The following LIPJ variants were observed in gnomAD, a reference collection of about 807,000 sequenced individuals.
LIPJ encodes lipase member J.
In LIPJ, 33 loss-of-function variants were observed where a neutral mutation model predicts 39.8. That is an observed-to-expected ratio of 0.83 (90% CI 0.63 to 1.11). The LOEUF (loss-of-function observed/expected upper bound fraction) is 1.11. Among genes scored for constraint, LIPJ ranks in the 50% least tolerant of loss-of-function variants. The pLI, the probability that LIPJ is intolerant of heterozygous loss-of-function variation, is 0.00. For synonymous variants in LIPJ, 128 were observed against 139.2 expected (o/e 0.92, Z 0.57); for missense variants, 422 against 427.9 (o/e 0.99, Z 0.12).
the LIPJ span, among the ~76,000 whole-genome samples, chr10:88,613,093 T>A: frequency 1.3e-5 from 2 of 152,246 alleles, no homozygotes; most frequent in Admixed American, 1.3e-4. Flanking sequence ...TTGGATGTTT[T>A]TAGAAGCTAG....
At chr10:88,614,570 A>G in the LIPJ span, among the ~76,000 whole-genome samples, 2 of 152,138 alleles carry the variant, frequency 1.3e-5, no homozygotes, top group South Asian at 4.1e-4. Flanking sequence ...TCAAACTGTG[A>G]GGAGAACTAT....
chr10:88,588,162 C>A (rs573432822), intron 2 of LIPJ, among the ~76,000 whole-genome samples: 166 of 151,844 alleles, frequency 1.1e-3, no homozygotes, highest in Non-Finnish European at 2.0e-3. Context: ...ACTGAATTGA[C>A]TATAAATAAA....
At chr10:88,606,918 C>T (rs374638163) in exon 11 of LIPJ, 102 of 1,473,984 alleles carry the variant, frequency 6.9e-5, no homozygotes, top group Middle Eastern at 2.3e-4. Flanking sequence ...AGAACCATGG[C>T]GCTGTGTGTT....
chr10:88,591,565 C>T (rs184483341), intron 4 of LIPJ, 67 bp downstream of exon 4: 63 of 1,371,452 alleles, frequency 4.6e-5, no homozygotes, highest in African/African-American at 2.7e-4. Context: ...CTCCAATTGA[C>T]GGAGAACATA....
At chr10:88,600,118 T>G (rs1185689513) in intron 8 of LIPJ, among the ~76,000 whole-genome samples, 1 of 152,154 alleles carries the variant, frequency 6.6e-6, no homozygotes, top group African/African-American at 2.4e-5. Context: ...TATGTTAAGT[T>G]TGTGTTTATA....
intron 4 of LIPJ, 80 bp downstream of exon 4, chr10:88,591,578 A>T: frequency 1.6e-6 from 2 of 1,229,460 alleles, no homozygotes; most frequent in Non-Finnish European, 2.2e-6. Context: ...AGAACATAGG[A>T]CAAGAAAAGC....
chr10:88,588,417 CTGT>C (rs1850978883), intron 2 of LIPJ, among the ~76,000 whole-genome samples: 1 of 151,652 alleles, frequency 6.6e-6, no homozygotes, highest in Non-Finnish European at 1.5e-5. Context: ...TATATAAATG[CTGT>C]TGTTTAGAAT....
At chr10:88,621,532 G>C in the LIPJ span, among the ~76,000 whole-genome samples, 1 of 152,086 alleles carries the variant, frequency 6.6e-6, no homozygotes, top group Non-Finnish European at 1.5e-5. Flanking sequence ...GTTGAAAATG[G>C]GCAAAAGAGA....
chr10:88,610,931 G>A (rs1426160081), downstream of LIPJ, among the ~76,000 whole-genome samples: 4 of 152,180 alleles, frequency 2.6e-5, no homozygotes, highest in African/African-American at 9.6e-5. Context: ...GAAAACAGAG[G>A]AGAAAGTCTT....
chr10:88,605,544 TG>T, intron 9 of LIPJ, 88 bp from the exon 10 acceptor site: 1 of 825,232 alleles, frequency 1.2e-6, no homozygotes, highest in Non-Finnish European at 2.1e-6. Context: ...CCCAGTACAA[TG>T]GGGGTATATA....
At chr10:88,607,014 A>T (rs1851691110), downstream of LIPJ, 2 of 1,253,344 alleles carry the variant, frequency 1.6e-6, no homozygotes, top group Non-Finnish European at 2.1e-6. Context: ...CTAAATATGT[A>T]GTTTTTTCCT....
At chr10:88,596,936 G>A in exon 8 of LIPJ, 1 of 1,443,968 alleles carries the variant, frequency 6.9e-7, no homozygotes, top group Non-Finnish European at 9.5e-7. Context: ...ACTTAAATAT[G>A]GTAAGAACAA....
At chr10:88,619,453 C>CCACA in the LIPJ span, among the ~76,000 whole-genome samples, 1 of 146,946 alleles carries the variant, frequency 6.8e-6, no homozygotes, top group Non-Finnish European at 1.5e-5. Context: ...CCCCCTCTTG[C>CCACA]CACACACACA....
chr10:88,584,815 C>T (rs1850852913), upstream of LIPJ, among the ~76,000 whole-genome samples: 1 of 152,054 alleles, frequency 6.6e-6, no homozygotes, highest in African/African-American at 2.4e-5. Flanking sequence ...CCATGTTCCC[C>T]GGGTTAGGAA....
At chr10:88,606,926 G>A in exon 11 of LIPJ, 2 of 1,450,412 alleles carry the variant, frequency 1.4e-6, no homozygotes, top group Non-Finnish European at 1.8e-6. Flanking sequence ...GGCGCTGTGT[G>A]TTTAAAGATC....
upstream of LIPJ, chr10:88,583,118 A>AC: frequency 6.2e-7 from 1 of 1,614,142 alleles, no homozygotes; most frequent in Non-Finnish European, 8.5e-7. Flanking sequence ...AAGGGACCGG[A>AC]CGTCTGCCTC....
At chr10:88,597,912 G>T (rs1445531526) in intron 8 of LIPJ, among the ~76,000 whole-genome samples, 2 of 151,606 alleles carry the variant, frequency 1.3e-5, no homozygotes, top group Admixed American at 6.6e-5. Context: ...AGTATATTTG[G>T]CCAATTCTAT....
intron 8 of LIPJ, among the ~76,000 whole-genome samples, chr10:88,601,800 TTGC>T (rs1269313194): frequency 6.6e-6 from 1 of 152,212 alleles, no homozygotes; most frequent in African/African-American, 2.4e-5. Context: ...CTTCATATAC[TTGC>T]TTTTCTTTGA....
chr10:88,622,397 C>T, the LIPJ span, among the ~76,000 whole-genome samples: 151 of 152,258 alleles, frequency 9.9e-4, 1 homozygote, highest in African/African-American at 3.3e-3. Context: ...AAAGTACTGA[C>T]GGAAAATATT....
Sources: gnomAD v4.1 joint callset for allele counts (sites outside exome capture counted in the v4.1 genomes callset) on GRCh38, gnomAD v4.1.1 for gene constraint, MANE v1.5 for transcripts, NCBI Gene and HGNC (gene_info 2026-07-23, HGNC 2026-07-21) for gene names.